Variants in KCNJ10 observed in about 807,000 individuals in gnomAD.
The protein encoded by KCNJ10 is ATP-sensitive inward rectifier potassium channel 10.
KCNJ10 carries 9 observed loss-of-function variants against 22.2 expected under a neutral mutation model. The ratio of observed to expected loss-of-function variants is 0.40; its 90% confidence interval spans 0.24 to 0.71. KCNJ10 has a LOEUF of 0.71. KCNJ10 is among the 30% of genes least tolerant of loss of function. The pLI is 0.35. For missense variants in KCNJ10, 337 were observed against 482.7 expected, an observed-to-expected ratio of 0.70 and a Z score of 2.83; for synonymous variants, 184 against 187.3, an observed-to-expected ratio of 0.98 and a Z score of 0.15.
intron 1 of KCNJ10, among the ~76,000 whole-genome samples, chr1:160,054,457 A>C (rs1341250362): frequency 6.6e-6 from 1 of 152,234 alleles, no homozygotes; most frequent in Non-Finnish European, 1.5e-5. Context: ...TTAACTGAAC[A>C]GCCAGAAGAA....
At chr1:160,053,462 GGAA>G (rs1648951652) in intron 1 of KCNJ10, among the ~76,000 whole-genome samples, 2 of 152,206 alleles carry the variant, frequency 1.3e-5, no homozygotes, top group South Asian at 4.1e-4. Flanking sequence ...CCTCAAGGTT[GGAA>G]GAAGAATGGA....
rs1648527472 is a variant in KCNJ10, at chr1:160,038,431, T to C, written c.*2962A>G. The C allele has an allele frequency of 6.6e-6, 1 of 152,182 alleles. No individual in the cohort carries two copies. The highest frequency in any genetic ancestry group is 1.5e-5 in the Non-Finnish European group (1 of 68,020). The allele number at this position is 152,182 out of a possible 1,614,324, so 9.4% of individuals were successfully genotyped here. A position where few individuals can be genotyped will look rare whatever the true frequency, so the allele number is the denominator to read the frequency against. On this transcript the variant is annotated 3_prime_UTR_variant, in exon 2 of 2. Transcript: ENST00000644903. ...GTAGCATAGGATTCAACAAAAGCCT[T>C]CATGAATGCCTCTTTATTTCTGAAA...
chr1:160,043,272 A>ACACACACACACACACAC (rs1553235192), intron 1 of KCNJ10, among the ~76,000 whole-genome samples: 23 of 132,744 alleles, frequency 1.7e-4, no homozygotes, highest in African/African-American at 5.0e-4. Flanking sequence ...TCCCCCTTAA[A>ACACACACACACACACAC]ACACACACAC....
chr1:160,064,580 A>G (rs537714747), intron 1 of KCNJ10, among the ~76,000 whole-genome samples: 80 of 152,364 alleles, frequency 5.3e-4, no homozygotes, highest in Admixed American at 8.5e-4. Flanking sequence ...AAATGTTCAT[A>G]GATAGAACCC....
rs1252735806 is a variant in KCNJ10, at chr1:160,048,746, T to G, written c.1-6214A>C. ...ACCCACACTCAAAGCCAGGATCATC[T>G]CAAACTCTCTTCTTGCCTCAACTCA... On this transcript the variant is annotated intron_variant, in intron 1 of 1. Transcript: ENST00000644903. Among the ~76,000 whole-genome samples, 3 of 152,246 alleles carry G rather than the reference T, an allele frequency of 2.0e-5. No individual in the cohort carries two copies. The East Asian group carries it at 5.8e-4, about 29-fold the overall frequency.
At chr1:160,052,787 G>A (rs1648934108) in intron 1 of KCNJ10, among the ~76,000 whole-genome samples, 1 of 152,152 alleles carries the variant, frequency 6.6e-6, no homozygotes, top group Admixed American at 6.5e-5. Context: ...TTCCTTCATT[G>A]TGGAATAGGG....
At chr1:160,065,763 A>T (rs1237752065) in intron 1 of KCNJ10, among the ~76,000 whole-genome samples, 4 of 152,144 alleles carry the variant, frequency 2.6e-5, no homozygotes, top group African/African-American at 7.2e-5. Context: ...GGAAATTTTT[A>T]TCCAATGCCA....
At chr1:160,066,362 G>A (rs1212473237) in intron 1 of KCNJ10, among the ~76,000 whole-genome samples, 2 of 152,080 alleles carry the variant, frequency 1.3e-5, no homozygotes, top group Non-Finnish European at 2.9e-5. Flanking sequence ...AACTCCAGAA[G>A]GGTGGGAAGA....
At chr1:160,057,172 T>G (rs573854651) in intron 1 of KCNJ10, among the ~76,000 whole-genome samples, 1 of 152,232 alleles carries the variant, frequency 6.6e-6, no homozygotes, top group Non-Finnish European at 1.5e-5. Flanking sequence ...AAGGCCCTTA[T>G]GCAAATAAAG....
chr1:160,038,548 A>G lies in KCNJ10; in HGVS notation c.*2845T>C, dbSNP rs1315365061. ...TGTTGAAACCAGGACCACTGATTGTAAGTCTGAAAATCTGGGTGTCCTACC... is the reference window on the plus strand; with the variant it reads ...TGTTGAAACCAGGACCACTGATTGTGAGTCTGAAAATCTGGGTGTCCTACC... On this transcript the variant is annotated 3_prime_UTR_variant, in exon 2 of 2. Transcript: ENST00000644903. The G allele has an allele frequency of 6.6e-6, 1 of 152,192 alleles. No individual in the cohort carries two copies. Among genetic ancestry groups the G allele is most frequent in the Admixed American group, 6.5e-5 (1 of 15,268 alleles). 9.4% of individuals were successfully genotyped at this position (152,192 alleles called of 1,614,324 possible). A position where few individuals can be genotyped will look rare whatever the true frequency, so the allele number is the denominator to read the frequency against.
At chr1:160,057,879 A>T (rs1433134905) in intron 1 of KCNJ10, among the ~76,000 whole-genome samples, 7 of 152,002 alleles carry the variant, frequency 4.6e-5, no homozygotes, top group African/African-American at 1.5e-4. Flanking sequence ...TGTTGGCTGG[A>T]AATGAGGGGA....
chr1:160,047,402 A>G (rs1237427930), intron 1 of KCNJ10, among the ~76,000 whole-genome samples: 1 of 152,132 alleles, frequency 6.6e-6, no homozygotes, highest in Non-Finnish European at 1.5e-5. Flanking sequence ...AAAGTGCTTT[A>G]TCTGTTTTCT....
chr1:160,049,681 A>ATATATATATATATATATT (rs1648842267), intron 1 of KCNJ10, among the ~76,000 whole-genome samples: 2 of 75,374 alleles, frequency 2.7e-5, no homozygotes, highest in Non-Finnish European at 4.9e-5. Flanking sequence ...TTATTTATAT[A>ATATATATATATATATATT]TATATATATA....
rs1648584063 is a variant in KCNJ10, at chr1:160,040,895, C to T, written c.*498G>A. 3 of 329,810 alleles carry T rather than the reference C, an allele frequency of 9.1e-6. No homozygotes were observed. Among genetic ancestry groups the T allele is most frequent in the Non-Finnish European group, 1.7e-5 (3 of 181,104 alleles). The allele number at this position is 329,810 out of a possible 1,614,324, so 20.4% of individuals were successfully genotyped here. ...TCTTTCAACAGAGATTGGTAGAAAC[C>T]CTAGGATATGTTGATATCAGATTCC... On this transcript the variant is annotated 3_prime_UTR_variant, in exon 2 of 2. Coordinates refer to ENST00000644903, the MANE Select transcript of KCNJ10 (RefSeq NM_002241.5).
chr1:160,051,582 A>T (rs904490691), intron 1 of KCNJ10, among the ~76,000 whole-genome samples: 8 of 151,960 alleles, frequency 5.3e-5, no homozygotes, highest in Non-Finnish European at 1.0e-4. Context: ...CAAACTCAAC[A>T]CTCAACAAGC....
chr1:160,067,446 T>G (rs1649346528), intron 1 of KCNJ10, among the ~76,000 whole-genome samples: 1 of 152,182 alleles, frequency 6.6e-6, no homozygotes, highest in South Asian at 2.1e-4. Context: ...CACCCACCAT[T>G]GGGTGCTAAA....
Position 160,041,915 on chromosome 1 carries a change from G to A in KCNJ10, c.618C>T (p.Ser206=), listed in dbSNP as rs762334869. Residue 206 remains serine (S), a synonymous_variant, in exon 2 of 2, where the codon AGC becomes AGT. Coordinates refer to ENST00000644903, the MANE Select transcript of KCNJ10 (RefSeq NM_002241.5). The surrounding 1 kb of genome is among the most constrained non-coding windows in gnomAD (Gnocchi z 4.4). ...CTGTCACCTGGCAGCCAATGAGGAG[G>A]CTTTTGCGCATATTGGCAACTCGGA... ...LMIRVANMRK[S]LLIGCQVTGK... 4 of 1,613,934 alleles carry A rather than the reference G, an allele frequency of 2.5e-6. No homozygotes were observed. Among genetic ancestry groups the A allele is most frequent in the Non-Finnish European group, 3.4e-6 (4 of 1,179,830 alleles).
intron 1 of KCNJ10, among the ~76,000 whole-genome samples, chr1:160,060,616 CAG>C (rs1460915901): frequency 1.3e-5 from 2 of 152,144 alleles, no homozygotes; most frequent in Non-Finnish European, 2.9e-5. Flanking sequence ...CTCTATCTAA[CAG>C]AGTTTCTGCA....
In KCNJ10 at chr1:160,041,668, A is replaced by T; in HGVS notation, c.865T>A (p.Ser289Thr). Residue 289 changes from serine to threonine, a missense_variant, in exon 2 of 2, where the codon TCC becomes ACC. Physicochemically the swap from Ser to Thr is moderately conservative, Grantham distance 58. Coordinates refer to ENST00000644903, the MANE Select transcript of KCNJ10 (RefSeq NM_002241.5). This position sits in a 1 kb window ranked among gnomAD's most constrained non-coding sequence, Gnocchi z 4.4. ...LVLILSGTVE[S>T]TSATCQVRTS... Reference sequence around the variant, plus strand: ...CGCACCTGACAGGTGGCACTGGTGGACTCCACTGTCCCACTTAGGATCAGC... The same window carrying T: ...CGCACCTGACAGGTGGCACTGGTGGTCTCCACTGTCCCACTTAGGATCAGC... The T allele has an allele frequency of 1.2e-6, 2 of 1,613,986 alleles. No homozygotes were observed. The highest frequency in any genetic ancestry group is 1.7e-6 in the Non-Finnish European group (2 of 1,179,986).
Sources: allele counts gnomAD v4.1 joint callset (sites outside exome capture counted in the v4.1 genomes callset), GRCh38; gene constraint gnomAD v4.1.1; non-coding constraint Gnocchi (gnomAD v3.1); transcripts MANE v1.5; gene names NCBI Gene and HGNC (gene_info 2026-07-23, HGNC 2026-07-21).